The following PAN3 variants were observed in gnomAD, a reference collection of about 807,000 sequenced individuals.
PAN3 encodes PAN2-PAN3 deadenylation complex subunit PAN3.
Under a neutral mutation model 96.2 loss-of-function variants are expected in PAN3, and 19 were observed. The observed-to-expected ratio is 0.20, with a 90% CI of 0.14 to 0.29. The LOEUF (loss-of-function observed/expected upper bound fraction) is 0.29. Among genes scored for constraint, PAN3 ranks in the 10% least tolerant of loss-of-function variants. PAN3 has a pLI of 1.00. For missense variants in PAN3, 882 were observed against 1,108.1 expected, an observed-to-expected ratio of 0.80 and a Z score of 2.90; for synonymous variants, 433 against 406.6, an observed-to-expected ratio of 1.06 and a Z score of -0.78.
intron 6 of PAN3, among the ~76,000 whole-genome samples, chr13:28,220,607 C>G (rs1254023117): frequency 6.6e-6 from 1 of 151,654 alleles, no homozygotes; most frequent in African/African-American, 2.4e-5. Flanking sequence ...ATAAAACTCA[C>G]AAAAAAATTT....
chr13:28,260,079 CAAT>C (rs1464837231), intron 7 of PAN3, among the ~76,000 whole-genome samples: 1 of 151,986 alleles, frequency 6.6e-6, no homozygotes. Flanking sequence ...TTTATCAAAA[CAAT>C]AATAAAGCTT....
At chr13:28,236,859 G>A (rs372721755) in intron 6 of PAN3, among the ~76,000 whole-genome samples, 3 of 152,124 alleles carry the variant, frequency 2.0e-5, no homozygotes, top group African/African-American at 7.2e-5. Context: ...TCCTGCCTTG[G>A]CTTCCCAAAG....
At chr13:28,253,320 G>C (rs1191613918) in intron 6 of PAN3, among the ~76,000 whole-genome samples, 5 of 152,026 alleles carry the variant, frequency 3.3e-5, no homozygotes. Context: ...ACTGTATGTA[G>C]GCACTTAAGA....
At chr13:28,168,617 G>A (rs978426631) in intron 1 of PAN3, among the ~76,000 whole-genome samples, 1 of 152,190 alleles carries the variant, frequency 6.6e-6, no homozygotes, top group African/African-American at 2.4e-5. Context: ...TACTTGGGAG[G>A]CTGAGGCAGG....
At chr13:28,272,148 G>T in intron 14 of PAN3, 77 bp downstream of exon 14, 1 of 1,063,280 alleles carries the variant, frequency 9.4e-7, no homozygotes. Context: ...AAGTATTTCA[G>T]TGTTTTAAGC....
At chr13:28,255,790 G>A (rs894485272) in intron 6 of PAN3, among the ~76,000 whole-genome samples, 1 of 151,372 alleles carries the variant, frequency 6.6e-6, no homozygotes, top group African/African-American at 2.4e-5. Context: ...ATTATATTTG[G>A]CTGAATGAAA....
chr13:28,163,512 T>G (rs944214471), intron 1 of PAN3, among the ~76,000 whole-genome samples: 6 of 152,228 alleles, frequency 3.9e-5, no homozygotes, highest in African/African-American at 1.2e-4. Flanking sequence ...ATGAGTGAGA[T>G]GGTATTTAAC....
At chr13:28,284,149 A>G (rs1447092849) in intron 17 of PAN3, among the ~76,000 whole-genome samples, 1 of 152,206 alleles carries the variant, frequency 6.6e-6, no homozygotes, top group Admixed American at 6.5e-5. Flanking sequence ...CCTCACCAAA[A>G]TACTTTTTTC....
At chr13:28,229,175 A>G (rs1311126994) in intron 6 of PAN3, among the ~76,000 whole-genome samples, 1 of 152,180 alleles carries the variant, frequency 6.6e-6, no homozygotes, top group Non-Finnish European at 1.5e-5. Context: ...TTAGAAGCAA[A>G]AGTTTTTAAC....
At chr13:28,202,244 C>A (rs180928046) in intron 5 of PAN3, among the ~76,000 whole-genome samples, 94 of 152,284 alleles carry the variant, frequency 6.2e-4, no homozygotes, top group African/African-American at 2.2e-3. Flanking sequence ...AGTGGTAGAG[C>A]TGCAATTCTA....
At chr13:28,190,192 G>C (rs1009763195) in intron 4 of PAN3, among the ~76,000 whole-genome samples, 1 of 152,112 alleles carries the variant, frequency 6.6e-6, no homozygotes, top group East Asian at 1.9e-4. Flanking sequence ...TGATCCGCCC[G>C]CGTCGGCCTC....
intron 4 of PAN3, among the ~76,000 whole-genome samples, chr13:28,188,278 A>G (rs1876754735): frequency 6.6e-6 from 1 of 152,088 alleles, no homozygotes; most frequent in African/African-American, 2.4e-5. Flanking sequence ...TCTGACTCCT[A>G]ATGAGCTTCT....
At chr13:28,170,701 T>C (rs1443381100) in intron 1 of PAN3, among the ~76,000 whole-genome samples, 3 of 152,210 alleles carry the variant, frequency 2.0e-5, no homozygotes, top group African/African-American at 4.8e-5. Flanking sequence ...TCTCCCCTTA[T>C]GGATTGCTCT....
intron 6 of PAN3, among the ~76,000 whole-genome samples, chr13:28,221,718 G>T (rs891750871): frequency 9.9e-5 from 15 of 151,790 alleles, no homozygotes; most frequent in South Asian, 2.1e-4. Context: ...TTCTACTTTG[G>T]TTTTTTTCCA....
chr13:28,235,886 AT>A (rs553429429), intron 6 of PAN3, among the ~76,000 whole-genome samples: 18,865 of 140,828 alleles, frequency 0.13, 1,373 homozygotes, highest in East Asian at 0.3. Context: ...TGATTTTTAA[AT>A]TTTTTTTTTT....
chr13:28,258,294 G>T (rs1885389428), intron 7 of PAN3, among the ~76,000 whole-genome samples: 1 of 151,820 alleles, frequency 6.6e-6, no homozygotes, highest in Non-Finnish European at 1.5e-5. Flanking sequence ...TTTTAAAAGA[G>T]AAAAAAGGTT....
chr13:28,160,497 A>G (rs774603013), intron 1 of PAN3, among the ~76,000 whole-genome samples: 7 of 152,220 alleles, frequency 4.6e-5, no homozygotes, highest in Non-Finnish European at 8.8e-5. Context: ...CACATGTCTT[A>G]GAGACTTTTA....
intron 5 of PAN3, among the ~76,000 whole-genome samples, chr13:28,208,598 C>T (rs1593475917): frequency 2.0e-5 from 3 of 151,934 alleles, no homozygotes; most frequent in East Asian, 3.9e-4. Context: ...AGACCTGGCC[C>T]GAAATACTGC....
chr13:28,213,088 G>A (rs113485119), intron 5 of PAN3, among the ~76,000 whole-genome samples: 1,834 of 152,014 alleles, frequency 0.012, 43 homozygotes, highest in African/African-American at 0.042. Flanking sequence ...CGTATCCATG[G>A]GTTCTGCATT....
Sources: allele counts gnomAD v4.1 joint callset (sites outside exome capture counted in the v4.1 genomes callset), GRCh38; gene constraint gnomAD v4.1.1; transcripts MANE v1.5; gene names NCBI Gene and HGNC (gene_info 2026-07-23, HGNC 2026-07-21).